The following GALNT17 variants were observed in gnomAD, a reference collection of about 807,000 sequenced individuals.
GALNT17 encodes the protein polypeptide N-acetylgalactosaminyltransferase 17.
GALNT17 carries 29 observed loss-of-function variants against 63.7 expected under a neutral mutation model. The observed-to-expected ratio is 0.46, with a 90% confidence interval of 0.34 to 0.62. The LOEUF (loss-of-function observed/expected upper bound fraction) is 0.62, where lower values mean the gene tolerates loss of function less well. Ranked by LOEUF, GALNT17 falls within the 20% of genes least tolerant of loss-of-function variation. The pLI is 0.01. For missense variants in GALNT17, 603 were observed against 799.6 expected (o/e 0.75, Z 2.97); for synonymous variants, 305 against 318.3 (o/e 0.96, Z 0.45).
intron 9 of GALNT17, among the ~76,000 whole-genome samples, chr7:71,707,994 A>G (rs1791743776): frequency 6.6e-6 from 1 of 152,166 alleles, no homozygotes; most frequent in African/African-American, 2.4e-5. Flanking sequence ...CAGTTTTGCA[A>G]CCTACCACAA....
chr7:71,710,914 T>G lies in GALNT17; in HGVS notation c.1654T>G (p.Trp552Gly). ...GGTCAAGAGCAGCCTGTACAAGCGCTGGAACTTCATCCAGGTGAGTGCTGT... is the reference window on the plus strand; with the variant it reads ...GGTCAAGAGCAGCCTGTACAAGCGCGGGAACTTCATCCAGGTGAGTGCTGT... ...DKVKSSLYKRWNFIQNGAIMN... is the reference protein window; with the variant it reads ...DKVKSSLYKRGNFIQNGAIMN... The change falls in exon 10 of 11, where the codon TGG (tryptophan) becomes GGG (glycine). Residue 552 changes from tryptophan (W) to glycine (G), a missense_variant. Around this residue, in one of 3 missense-constraint regions of GALNT17, gnomAD observed 72 missense variants for 76.9 expected, o/e 0.94. Coordinates refer to ENST00000333538, the MANE Select transcript of GALNT17 (RefSeq NM_022479.3). 1 of 1,613,762 alleles carries G rather than the reference T, an allele frequency of 6.2e-7. No individual in the cohort carries two copies. The highest frequency in any genetic ancestry group is 8.5e-7 in the Non-Finnish European group (1 of 1,180,020).
At chr7:71,709,683 C>T (rs113937354) in intron 9 of GALNT17, among the ~76,000 whole-genome samples, 12 of 152,098 alleles carry the variant, frequency 7.9e-5, no homozygotes, top group East Asian at 1.9e-4. Flanking sequence ...CTGCAACCTC[C>T]GCACCCCCAG....
intron 6 of GALNT17, among the ~76,000 whole-genome samples, chr7:71,590,461 A>G (rs922355964): frequency 2.0e-5 from 3 of 152,186 alleles, no homozygotes; most frequent in Non-Finnish European, 2.9e-5. Flanking sequence ...CTTGGGAATA[A>G]AGCAATAATT....
At chr7:71,243,420 T>G (rs1329308205) in intron 1 of GALNT17, among the ~76,000 whole-genome samples, 1 of 152,222 alleles carries the variant, frequency 6.6e-6, no homozygotes, top group Non-Finnish European at 1.5e-5. Context: ...GATTTCAGTG[T>G]CTGCTCATCA....
chr7:71,202,064 T>C (rs1238283135), intron 1 of GALNT17, among the ~76,000 whole-genome samples: 1 of 152,234 alleles, frequency 6.6e-6, no homozygotes, highest in Non-Finnish European at 1.5e-5. Flanking sequence ...CATATTATAA[T>C]GTTCAATGAA....
chr7:71,192,121 A>C (rs1788962620), intron 1 of GALNT17, among the ~76,000 whole-genome samples: 1 of 152,170 alleles, frequency 6.6e-6, no homozygotes, highest in Admixed American at 6.5e-5. Flanking sequence ...CGAGGTCAGG[A>C]AGCATCCAGC....
chr7:71,264,985 G>A (rs1790462006), intron 1 of GALNT17, among the ~76,000 whole-genome samples: 1 of 150,534 alleles, frequency 6.6e-6, no homozygotes. Context: ...GACTTGAAAT[G>A]TTCCCAATTC....
chr7:71,145,572 A>G (rs1788003910), intron 1 of GALNT17, among the ~76,000 whole-genome samples: 1 of 152,222 alleles, frequency 6.6e-6, no homozygotes, highest in Non-Finnish European at 1.5e-5. Context: ...GTAGCAAACA[A>G]CCATGAGCAA....
chr7:71,632,170 A>G (rs1319963867), intron 6 of GALNT17, among the ~76,000 whole-genome samples: 1 of 152,160 alleles, frequency 6.6e-6, no homozygotes. Flanking sequence ...TACAAGGACC[A>G]TTAAGGCTCA....
chr7:71,436,877 G>A (rs192209465), intron 5 of GALNT17, among the ~76,000 whole-genome samples: 25 of 152,152 alleles, frequency 1.6e-4, no homozygotes, highest in African/African-American at 4.8e-4. Context: ...ATTTCTCTGC[G>A]GGGGTCCATC....
chr7:71,309,770 GA>G (rs1161010405), intron 1 of GALNT17, among the ~76,000 whole-genome samples: 3 of 152,134 alleles, frequency 2.0e-5, no homozygotes, highest in Admixed American at 2.0e-4. Flanking sequence ...CATATGCTGT[GA>G]TGTTTAGCGC....
chr7:71,198,080 C>T (rs1030790869), intron 1 of GALNT17, among the ~76,000 whole-genome samples: 1 of 151,748 alleles, frequency 6.6e-6, no homozygotes, highest in Non-Finnish European at 1.5e-5. Context: ...CTCCTGTAAT[C>T]CCAGCTACTC....
chr7:71,195,741 G>A (rs1789036392), intron 1 of GALNT17, among the ~76,000 whole-genome samples: 1 of 151,952 alleles, frequency 6.6e-6, no homozygotes, highest in Non-Finnish European at 1.5e-5. Context: ...TAGAGATAGA[G>A]TCTTGCTGTG....
chr7:71,584,754 C>CTTTATTTA (rs113877661), intron 6 of GALNT17, among the ~76,000 whole-genome samples: 118 of 151,998 alleles, frequency 7.8e-4, no homozygotes, highest in African/African-American at 2.7e-3. Flanking sequence ...TTCTTCTCAC[C>CTTTATTTA]TTTATTTATT....
At chr7:71,630,079 A>T (rs1396224274) in intron 6 of GALNT17, among the ~76,000 whole-genome samples, 1 of 151,132 alleles carries the variant, frequency 6.6e-6, no homozygotes, top group Non-Finnish European at 1.5e-5. Context: ...CCACCCAGAG[A>T]TCATTAGCCT....
intron 1 of GALNT17, among the ~76,000 whole-genome samples, chr7:71,147,291 G>A (rs1788041368): frequency 6.6e-6 from 1 of 152,182 alleles, no homozygotes; most frequent in South Asian, 2.1e-4. Flanking sequence ...AGGAGAGCCT[G>A]TCCAAGTCCC....
chr7:71,324,753 G>A (rs918161753), intron 1 of GALNT17, among the ~76,000 whole-genome samples: 5 of 90,082 alleles, frequency 5.6e-5, no homozygotes, highest in East Asian at 2.6e-4. Flanking sequence ...AAATATATGC[G>A]TGCGTGTATA....
At chr7:71,160,605 C>G (rs1043337489) in intron 1 of GALNT17, among the ~76,000 whole-genome samples, 1 of 152,064 alleles carries the variant, frequency 6.6e-6, no homozygotes, top group African/African-American at 2.4e-5. Flanking sequence ...ATTACAGGTG[C>G]CTGCTACCAT....
intron 5 of GALNT17, among the ~76,000 whole-genome samples, 162 bp downstream of exon 5, chr7:71,421,267 G>C (rs1786659634): frequency 6.6e-6 from 1 of 152,196 alleles, no homozygotes; most frequent in Admixed American, 6.5e-5. Context: ...TTCCTGCAGA[G>C]GGAGGATGTT....
Sources: allele counts gnomAD v4.1 joint callset (sites outside exome capture counted in the v4.1 genomes callset), GRCh38; gene constraint gnomAD v4.1.1; regional missense constraint gnomAD v4.1.1; transcripts MANE v1.5; gene names NCBI Gene and HGNC (gene_info 2026-07-23, HGNC 2026-07-21).